SPRR2B: variants seen among roughly 807,000 people sequenced by gnomAD.
SPRR2B encodes small proline rich protein 2B.
A neutral mutation model predicts 1.0 loss-of-function variants in SPRR2B; 1 was observed. The observed-to-expected ratio is 1.01, with a 90% CI of 0.36 to 4.77. SPRR2B has a LOEUF of 4.77. SPRR2B is among the 30% of genes most tolerant of loss of function. The pLI, the probability that SPRR2B is intolerant of heterozygous loss-of-function variation, is 0.16. For synonymous variants in SPRR2B, 27 were observed against 33.4 expected (o/e 0.81, Z 0.66); for missense variants, 53 against 88.7 (o/e 0.60, Z 1.62).
chr1:153,085,844 C>G, the SPRR2B span, among the ~76,000 whole-genome samples: 1 of 152,118 alleles, frequency 6.6e-6, no homozygotes, highest in African/African-American at 2.4e-5. Context: ...TCAGCAGAAA[C>G]CGTACAAGCA....
At chr1:153,080,180 G>A in the SPRR2B span, among the ~76,000 whole-genome samples, 19 of 151,768 alleles carry the variant, frequency 1.3e-4, no homozygotes, top group Non-Finnish European at 1.8e-4. Flanking sequence ...CAAAATATGC[G>A]AAGATACAGT....
chr1:153,070,493 C>G lies in SPRR2B; in HGVS notation c.*128G>C. On this transcript the variant is annotated 3_prime_UTR_variant, in exon 2 of 2. Coordinates refer to ENST00000368755, the MANE Select transcript of SPRR2B (RefSeq NM_001388198.1). Reference sequence around the variant, plus strand: ...ATCAGGGAACATCATGGGCAGATCACAGGCTAAGGGGAAAGAAGCTCCCTA... The same window carrying G: ...ATCAGGGAACATCATGGGCAGATCAGAGGCTAAGGGGAAAGAAGCTCCCTA... The G allele has an allele frequency of 6.7e-7, 1 of 1,487,880 alleles. No individual in the cohort carries two copies. Among genetic ancestry groups the G allele is most frequent in the Non-Finnish European group, 9.0e-7 (1 of 1,108,258 alleles). The allele number at this position is 1,487,880 out of a possible 1,614,324, so 92.2% of individuals were successfully genotyped here. A position where few individuals can be genotyped will look rare whatever the true frequency, so the allele number is the denominator to read the frequency against.
At chr1:153,082,084 G>A in the SPRR2B span, among the ~76,000 whole-genome samples, 5 of 151,926 alleles carry the variant, frequency 3.3e-5, no homozygotes, top group Non-Finnish European at 7.4e-5. Context: ...GGTTAAACGG[G>A]TGTTAATTCA....
At chr1:153,071,424 C>A (rs572834061) in intron 1 of SPRR2B, among the ~76,000 whole-genome samples, 145 bp downstream of exon 1, 7 of 152,296 alleles carry the variant, frequency 4.6e-5, no homozygotes, top group African/African-American at 1.4e-4. Context: ...GTAAAACACT[C>A]TATCACATAG....
chr1:153,087,719 C>A, the SPRR2B span, among the ~76,000 whole-genome samples: 1 of 152,120 alleles, frequency 6.6e-6, no homozygotes, highest in Non-Finnish European at 1.5e-5. Context: ...TGTGAAAGGA[C>A]CAATAATGAG....
Position 153,070,357 on chromosome 1 carries a change from G to GC in SPRR2B, c.*263dup. ...TTCTCTGATGGTTCCCAGGCACACA[G>GC]CTGCAGCTCTTTCTGCTGAAGCTCT... On this transcript the variant is annotated 3_prime_UTR_variant, in exon 2 of 2. Transcript: ENST00000368755. The GC allele has an allele frequency of 3.2e-6, 2 of 617,006 alleles. No individual in the cohort carries two copies. The highest frequency in any genetic ancestry group is 5.5e-6 in the Non-Finnish European group (2 of 366,492). 38.2% of individuals were successfully genotyped at this position (617,006 alleles called of 1,614,324 possible).
the SPRR2B span, among the ~76,000 whole-genome samples, chr1:153,087,461 G>T: frequency 6.6e-6 from 1 of 152,056 alleles, no homozygotes; most frequent in Non-Finnish European, 1.5e-5. Flanking sequence ...ACAAATCCAG[G>T]AGGTGGTTCT....
the SPRR2B span, among the ~76,000 whole-genome samples, chr1:153,083,618 G>C: frequency 2.0e-5 from 3 of 152,170 alleles, no homozygotes; most frequent in Non-Finnish European, 2.9e-5. Flanking sequence ...AAAGCTGGGA[G>C]CCCTGCACAG....
At chr1:153,079,789 C>CAGG in the SPRR2B span, among the ~76,000 whole-genome samples, 190 of 152,124 alleles carry the variant, frequency 1.2e-3, no homozygotes, top group Non-Finnish European at 2.4e-3. Flanking sequence ...AGTTTGAAGT[C>CAGG]AGGTAGCATG....
chr1:153,085,906 C>A, the SPRR2B span, among the ~76,000 whole-genome samples: 1 of 152,094 alleles, frequency 6.6e-6, no homozygotes, highest in Non-Finnish European at 1.5e-5. Flanking sequence ...GAAATACCAA[C>A]CCAGAATTTC....
At chr1:153,081,641 A>G in the SPRR2B span, among the ~76,000 whole-genome samples, 1 of 152,218 alleles carries the variant, frequency 6.6e-6, no homozygotes, top group East Asian at 1.9e-4. Flanking sequence ...TATAAAAGCC[A>G]GCATTATTGA....
chr1:153,085,299 G>T, the SPRR2B span, among the ~76,000 whole-genome samples: 1 of 152,110 alleles, frequency 6.6e-6, no homozygotes, highest in Non-Finnish European at 1.5e-5. Flanking sequence ...CACAGGAGCT[G>T]ACTGACAAAA....
the SPRR2B span, among the ~76,000 whole-genome samples, chr1:153,076,764 C>G: frequency 6.6e-6 from 1 of 152,118 alleles, no homozygotes; most frequent in African/African-American, 2.4e-5. Flanking sequence ...ATTATAGCAG[C>G]TTTAGTCATA....
chr1:153,075,776 C>T (rs1030777105), upstream of SPRR2B, among the ~76,000 whole-genome samples: 1 of 152,020 alleles, frequency 6.6e-6, no homozygotes, highest in African/African-American at 2.4e-5. Flanking sequence ...TAAGTGTGTG[C>T]CAGAAGTTTT....
the SPRR2B span, among the ~76,000 whole-genome samples, chr1:153,086,801 T>C: frequency 2.6e-5 from 4 of 152,218 alleles, no homozygotes; most frequent in Admixed American, 2.6e-4. Context: ...ACATGGCTCA[T>C]AGTCTAAAAT....
At chr1:153,082,370 A>G in the SPRR2B span, among the ~76,000 whole-genome samples, 4 of 152,214 alleles carry the variant, frequency 2.6e-5, no homozygotes, top group African/African-American at 9.6e-5. Context: ...ATTTAAATAT[A>G]GAACACTCCA....
chr1:153,082,123 A>G, the SPRR2B span, among the ~76,000 whole-genome samples: 1 of 152,168 alleles, frequency 6.6e-6, no homozygotes, highest in Non-Finnish European at 1.5e-5. Context: ...TTAGGATACT[A>G]TACATAATCC....
upstream of SPRR2B, among the ~76,000 whole-genome samples, chr1:153,074,475 G>A (rs1008292726): frequency 6.6e-6 from 1 of 152,180 alleles, no homozygotes; most frequent in African/African-American, 2.4e-5. Context: ...GAAAGGCTAA[G>A]CATCCATTGT....
At chr1:153,070,969 T>G in intron 1 of SPRR2B, 111 bp from the exon 2 acceptor site, 3 of 961,918 alleles carry the variant, frequency 3.1e-6, no homozygotes, top group Non-Finnish European at 4.5e-6. Context: ...AAAATTTATT[T>G]AAACTCTTAG....
Sources: gnomAD v4.1 joint callset for allele counts (sites outside exome capture counted in the v4.1 genomes callset) on GRCh38, gnomAD v4.1.1 for gene constraint, MANE v1.5 for transcripts, NCBI Gene and HGNC (gene_info 2026-07-23, HGNC 2026-07-21) for gene names.